Variants in CACNA1C observed in about 807,000 individuals in gnomAD.
The protein encoded by CACNA1C is voltage-dependent L-type calcium channel subunit alpha-1C.
CACNA1C carries 30 observed loss-of-function variants against 229.0 expected under a neutral mutation model. That is an observed-to-expected ratio of 0.13 (90% CI 0.10 to 0.18). The LOEUF (loss-of-function observed/expected upper bound fraction) is 0.18, where lower values mean the gene tolerates loss of function less well. Ranked by LOEUF, CACNA1C falls within the 10% of genes least tolerant of loss-of-function variation. The pLI is 1.00. For missense variants in CACNA1C, 1,658 were observed against 2,845.0 expected, an observed-to-expected ratio of 0.58 and a Z score of 9.49; for synonymous variants, 1,114 against 1,132.5, an observed-to-expected ratio of 0.98 and a Z score of 0.33.
intron 3 of CACNA1C, among the ~76,000 whole-genome samples, chr12:2,384,401 C>T (rs2098330271): frequency 6.6e-6 from 1 of 152,148 alleles, no homozygotes; most frequent in Non-Finnish European, 1.5e-5. Context: ...CTACTTTGGT[C>T]GTGGATTCGG....
intron 1 of CACNA1C, chr12:1,993,002 G>A (rs1593242636): frequency 1.6e-6 from 1 of 627,824 alleles, no homozygotes; most frequent in Middle Eastern, 3.5e-4. Context: ...ATCAGCAATG[G>A]GTTCACACTA....
rs1339661623 is a variant in CACNA1C, at chr12:2,644,742, A to C, written c.3913-3733A>C. Among the ~76,000 whole-genome samples, 3 of 152,266 alleles carry C rather than the reference A, an allele frequency of 2.0e-5. No individual in the cohort carries two copies. In the East Asian group the frequency reaches 5.8e-4, roughly 29 times the overall value. On this transcript the variant is annotated intron_variant, in intron 30 of 46. Coordinates refer to ENST00000399655, the MANE Select transcript of CACNA1C (RefSeq NM_000719.7). ...TAGTGAGTGCCTTCCAGAAACAAAG[A>C]CTTCATCCACTGAGGTGTTACTTCT...
intron 9 of CACNA1C, among the ~76,000 whole-genome samples, chr12:2,538,530 C>T (rs1293843658): frequency 6.6e-6 from 1 of 151,996 alleles, no homozygotes; most frequent in African/African-American, 2.4e-5. Context: ...CTTTCTTTTC[C>T]TTAGAAGAGA....
intron 3 of CACNA1C, among the ~76,000 whole-genome samples, chr12:2,382,103 A>G (rs1567355545): frequency 6.6e-6 from 1 of 152,258 alleles, no homozygotes; most frequent in Non-Finnish European, 1.5e-5. Context: ...ATGAACTTGG[A>G]GAATAACTGG....
At chr12:2,068,921 G>C (rs564423130) in intron 1 of CACNA1C, among the ~76,000 whole-genome samples, 1 of 152,340 alleles carries the variant, frequency 6.6e-6, no homozygotes, top group Admixed American at 6.5e-5. Flanking sequence ...GTTTTCCTCT[G>C]AGGGTATCAG....
At position 2,597,386 on chromosome 12, in the gene CACNA1C, G is replaced by T; in HGVS notation, c.2853+97G>T. 3.3e-6 allele frequency: 5 copies of T among 1,512,466 alleles called. No homozygotes were observed. Among genetic ancestry groups the T allele is most frequent in the Non-Finnish European group, 3.7e-6 (4 of 1,087,634 alleles). 93.7% of individuals were successfully genotyped at this position (1,512,466 alleles called of 1,614,324 possible). On this transcript the variant is annotated intron_variant, in intron 21 of 46. Transcript: ENST00000399655. This position sits in a 1 kb window ranked among gnomAD's most constrained non-coding sequence, Gnocchi z 4.3. ...GCTAACACACATGCTCCTTCCTGTTGGTGTGGGGTTCACTCTCAGAGCCAC... is the reference window on the plus strand; with the variant it reads ...GCTAACACACATGCTCCTTCCTGTTTGTGTGGGGTTCACTCTCAGAGCCAC...
intron 3 of CACNA1C, among the ~76,000 whole-genome samples, chr12:2,194,841 C>T (rs2097354264): frequency 6.6e-6 from 1 of 152,194 alleles, no homozygotes; most frequent in Non-Finnish European, 1.5e-5. Context: ...AGGACTTACC[C>T]TGCATCCGTA....
chr12:2,339,052 G>A (rs530761412), intron 3 of CACNA1C, among the ~76,000 whole-genome samples: 1 of 152,276 alleles, frequency 6.6e-6, no homozygotes, highest in Non-Finnish European at 1.5e-5. Flanking sequence ...GCTTAACAAT[G>A]GGGATACATT....
intron 9 of CACNA1C, among the ~76,000 whole-genome samples, chr12:2,524,415 A>G (rs2099815119): frequency 6.6e-6 from 1 of 152,224 alleles, no homozygotes; most frequent in African/African-American, 2.4e-5. Context: ...GAAACACAGA[A>G]GACAGAGAGC....
intron 3 of CACNA1C, among the ~76,000 whole-genome samples, chr12:2,333,344 C>T (rs2096604106): frequency 6.6e-6 from 1 of 152,222 alleles, no homozygotes. Context: ...CCTGCCTGGC[C>T]TCCTGGATCA....
intron 3 of CACNA1C, among the ~76,000 whole-genome samples, chr12:2,290,967 G>C (rs950625515): frequency 6.6e-6 from 1 of 152,224 alleles, no homozygotes; most frequent in Non-Finnish European, 1.5e-5. Flanking sequence ...AGTGATATCA[G>C]GGGGTTTACA....
chr12:2,164,925 G>A (rs1195553928), intron 3 of CACNA1C, among the ~76,000 whole-genome samples: 2 of 152,188 alleles, frequency 1.3e-5, no homozygotes, highest in African/African-American at 4.8e-5. Flanking sequence ...AAGCAGAGGG[G>A]TGTGTTTTCT....
chr12:2,330,470 T>C (rs903537151), intron 3 of CACNA1C, among the ~76,000 whole-genome samples: 1 of 152,254 alleles, frequency 6.6e-6, no homozygotes, highest in Admixed American at 6.5e-5. Flanking sequence ...TTTGACTCCT[T>C]TAATACTCAT....
At chr12:1,973,884 G>A (rs1316605731) in intron 1 of CACNA1C, among the ~76,000 whole-genome samples, 1 of 152,092 alleles carries the variant, frequency 6.6e-6, no homozygotes, top group Non-Finnish European at 1.5e-5. Context: ...TATCATGCAG[G>A]GAGTCCCTAA....
Position 2,595,925 on chromosome 12 carries a change from G to A in CACNA1C, c.2715G>A (p.Leu905=), listed in dbSNP as rs573906794. The change falls in exon 20 of 47, where the codon CTG becomes CTA. Residue 905 remains leucine, a synonymous_variant. Transcript: ENST00000399655. The surrounding 1 kb of genome is among the most constrained non-coding windows in gnomAD (Gnocchi z 4.1). ...RIVNDTIFTN[L]ILFFILLSSI... ...TCAATGACACGATCTTCACCAACCT[G>A]ATCCTCTTCTTCATTCTGCTCAGCA... The A allele has an allele frequency of 6.2e-7, 1 of 1,613,668 alleles. No individual in the cohort carries two copies. Among genetic ancestry groups the A allele is most frequent in the Non-Finnish European group, 8.5e-7 (1 of 1,179,814 alleles).
chr12:2,499,946 C>G (rs562421889), intron 7 of CACNA1C, among the ~76,000 whole-genome samples: 8 of 152,284 alleles, frequency 5.3e-5, no homozygotes, highest in East Asian at 1.9e-4. Flanking sequence ...AGCTGTCCCC[C>G]CAAAGTAGGT....
chr12:2,232,227 G>GTTTTTTTT (rs1169407536), intron 3 of CACNA1C, among the ~76,000 whole-genome samples: 1,456 of 72,928 alleles, frequency 0.02, no homozygotes, highest in Middle Eastern at 0.035. Context: ...GTCTTTCCTT[G>GTTTTTTTT]TTTTTTTTTT....
rs2099696983 is a variant in CACNA1C, at chr12:2,486,321, T to G, written c.916+59T>G. 1 of 1,432,804 alleles carries G rather than the reference T, an allele frequency of 7.0e-7. No homozygotes were observed. The highest frequency in any genetic ancestry group is 1.3e-5 in the South Asian group (1 of 75,616). The allele number at this position is 1,432,804 out of a possible 1,614,324, so 88.8% of individuals were successfully genotyped here. ...CTGCCCTCTATCGCTCCCAGCACCT[T>G]TCCCGCTGCTGGCTACACCAACATG... On this transcript the variant is annotated intron_variant, in intron 6 of 46. Transcript: ENST00000399655. The surrounding 1 kb of genome is among the most constrained non-coding windows in gnomAD (Gnocchi z 4.9).
rs1013223786 is a variant in CACNA1C at position 2,523,009 on chromosome 12, G to A, written c.1390+10025G>A. ...GAATGCCCTTCTCTTCCAACCAGGG[G>A]AACCAGAAGTGGGCCCTCCAGTCCC... On this transcript the variant is annotated intron_variant, in intron 9 of 46. Coordinates refer to ENST00000399655, the MANE Select transcript of CACNA1C (RefSeq NM_000719.7). 3.3e-5 allele frequency among the ~76,000 whole-genome samples: 5 copies of A among 152,216 alleles called. No individual in the cohort carries two copies. In the South Asian group the frequency reaches 6.2e-4, roughly 19 times the overall value.
Sources: allele counts gnomAD v4.1 joint callset (sites outside exome capture counted in the v4.1 genomes callset), GRCh38; gene constraint gnomAD v4.1.1; non-coding constraint Gnocchi (gnomAD v3.1); transcripts MANE v1.5; gene names NCBI Gene and HGNC (gene_info 2026-07-23, HGNC 2026-07-21).